The following SUGCT variants were observed in gnomAD, a reference collection of about 807,000 sequenced individuals.
The protein encoded by SUGCT is succinyl-CoA:glutarate-CoA transferase.
SUGCT carries 41 observed loss-of-function variants against 55.0 expected under a neutral mutation model. The ratio of observed to expected loss-of-function variants is 0.74; its 90% CI spans 0.58 to 0.97. SUGCT has a LOEUF of 0.97. Ranked by LOEUF, SUGCT falls within the 50% of genes least tolerant of loss-of-function variation. The pLI, the probability that SUGCT is intolerant of heterozygous loss-of-function variation, is 0.00. For missense variants in SUGCT, 568 were observed against 547.8 expected (o/e 1.04, Z -0.37); for synonymous variants, 187 against 200.4 (o/e 0.93, Z 0.56).
intron 8 of SUGCT, among the ~76,000 whole-genome samples, chr7:40,292,426 A>G (rs974084223): frequency 1.3e-5 from 2 of 152,288 alleles, no homozygotes; most frequent in Non-Finnish European, 2.9e-5. Flanking sequence ...TACAGGATAG[A>G]CGACAATTCA....
chr7:40,208,983 ATCC>A lies in SUGCT; in HGVS notation c.484+13926_484+13928del, dbSNP rs1387707921. ...ATTTTGACCAATATTTCATGTTTTT[ATCC>A]TCAAAATTCTATTCCATACACATCT... On this transcript the variant is annotated intron_variant, in intron 6 of 13. Coordinates refer to ENST00000335693, the MANE Select transcript of SUGCT (RefSeq NM_001193313.2). Among the ~76,000 whole-genome samples the A allele has an allele frequency of 7.2e-5, 11 of 152,282 alleles. No individual in the cohort carries two copies. In the East Asian group the frequency reaches 1.9e-3, roughly 27 times the overall value.
At chr7:41,003,316 C>G in the SUGCT span, among the ~76,000 whole-genome samples, 1 of 152,050 alleles carries the variant, frequency 6.6e-6, no homozygotes, top group Non-Finnish European at 1.5e-5. Flanking sequence ...GAAGCTGGAC[C>G]TTGACAACCA....
At chr7:40,217,289 C>T (rs905170908) in intron 6 of SUGCT, 5 of 308,890 alleles carry the variant, frequency 1.6e-5, no homozygotes, top group East Asian at 1.2e-4. Flanking sequence ...AGACTGGCTG[C>T]GACCTCTGCC....
intron 13 of SUGCT, among the ~76,000 whole-genome samples, chr7:40,770,641 C>G (rs1045539579): frequency 1.3e-5 from 2 of 152,104 alleles, no homozygotes; most frequent in African/African-American, 4.8e-5. Flanking sequence ...TAGTTTTTAT[C>G]CTGGTGATGA....
rs1786154950 is a variant in SUGCT at position 40,194,922 on chromosome 7, G to A, written c.364-18G>A. ...TTTGTTGAGTGGAAGTCTGACTCAT[G>A]TTCACCTCTTCCATCAGCTTGCAGC... On this transcript the variant is annotated intron_variant, in intron 5 of 13. Transcript: ENST00000335693. 6.2e-7 allele frequency: 1 copy of A among 1,609,206 alleles called. No individual in the cohort carries two copies. The highest frequency in any genetic ancestry group is 1.1e-5 in the South Asian group (1 of 90,322).
the SUGCT span, among the ~76,000 whole-genome samples, chr7:41,020,181 A>C: frequency 1.3e-5 from 2 of 152,248 alleles, no homozygotes; most frequent in African/African-American, 4.8e-5. Context: ...AAAATATCAA[A>C]TATATGAGCC....
intron 5 of SUGCT, among the ~76,000 whole-genome samples, chr7:40,194,389 C>T (rs937597234): frequency 1.1e-4 from 17 of 151,978 alleles, no homozygotes; most frequent in African/African-American, 3.4e-4. Context: ...GCCTCCCGAG[C>T]AGCTGGGACC....
At chr7:40,218,341 A>G (rs1218464463) in intron 6 of SUGCT, among the ~76,000 whole-genome samples, 2 of 152,246 alleles carry the variant, frequency 1.3e-5, no homozygotes, top group African/African-American at 4.8e-5. Context: ...TCATTAAACA[A>G]TAGAAGCCTG....
intron 7 of SUGCT, among the ~76,000 whole-genome samples, chr7:40,274,073 CTTTTT>C (rs386409972): frequency 2.1e-4 from 14 of 68,016 alleles, no homozygotes; most frequent in South Asian, 1.2e-3. Context: ...TTTTTACCTT[CTTTTT>C]TTTTTTTTTT....
the SUGCT span, among the ~76,000 whole-genome samples, chr7:40,950,194 A>G: frequency 6.6e-6 from 1 of 152,110 alleles, no homozygotes; most frequent in Non-Finnish European, 1.5e-5. Context: ...TTGGATTCCT[A>G]GATATTTTAT....
At chr7:40,318,061 C>T (rs1399663786) in intron 9 of SUGCT, among the ~76,000 whole-genome samples, 1 of 152,180 alleles carries the variant, frequency 6.6e-6, no homozygotes, top group Non-Finnish European at 1.5e-5. Context: ...TACTTCTAAC[C>T]AGACCTGCTT....
At chr7:41,017,353 A>G in the SUGCT span, among the ~76,000 whole-genome samples, 54,436 of 152,136 alleles carry the variant, frequency 0.36, 10,575 homozygotes, top group Non-Finnish European at 0.44. Flanking sequence ...GGGGTTGAAA[A>G]CAAGGCCACA....
chr7:41,036,733 C>T, the SUGCT span, among the ~76,000 whole-genome samples: 2 of 152,214 alleles, frequency 1.3e-5, no homozygotes, highest in South Asian at 4.1e-4. Flanking sequence ...CCAGGACAAA[C>T]TTCCTCAGGC....
the SUGCT span, among the ~76,000 whole-genome samples, chr7:40,922,401 C>T: frequency 6.6e-6 from 1 of 152,162 alleles, no homozygotes; most frequent in South Asian, 2.1e-4. Flanking sequence ...CTGAAGAGAA[C>T]ACCTTCCTTC....
chr7:40,140,463 C>T (rs1489368785), intron 1 of SUGCT, among the ~76,000 whole-genome samples: 1 of 152,106 alleles, frequency 6.6e-6, no homozygotes, highest in East Asian at 1.9e-4. Context: ...TGCAGTTGTG[C>T]AATCTCAGTT....
chr7:40,201,060 T>C (rs1786572366), intron 6 of SUGCT, among the ~76,000 whole-genome samples: 1 of 152,096 alleles, frequency 6.6e-6, no homozygotes, highest in South Asian at 2.1e-4. Flanking sequence ...ACCACATAAC[T>C]ATAGCTTTAA....
At chr7:40,903,300 T>C in the SUGCT span, among the ~76,000 whole-genome samples, 2 of 152,238 alleles carry the variant, frequency 1.3e-5, no homozygotes, top group African/African-American at 4.8e-5. Context: ...CAGGTATCAC[T>C]TGAGGGACAG....
chr7:40,694,355 C>A (rs1784829972), intron 12 of SUGCT, among the ~76,000 whole-genome samples: 1 of 152,202 alleles, frequency 6.6e-6, no homozygotes, highest in Non-Finnish European at 1.5e-5. Flanking sequence ...AGGAGAGGAA[C>A]TTCTCCAGCT....
chr7:41,013,777 A>G, the SUGCT span, among the ~76,000 whole-genome samples: 2 of 151,822 alleles, frequency 1.3e-5, no homozygotes, highest in African/African-American at 4.8e-5. Flanking sequence ...TAAAGAAAAG[A>G]AACATTGACT....
Sources: allele counts gnomAD v4.1 joint callset (sites outside exome capture counted in the v4.1 genomes callset), GRCh38; gene constraint gnomAD v4.1.1; transcripts MANE v1.5; gene names NCBI Gene and HGNC (gene_info 2026-07-23, HGNC 2026-07-21).